ODAD2: variants seen among roughly 807,000 people sequenced by gnomAD.
ODAD2 encodes the protein outer dynein arm docking complex subunit 2, also known as outer dynein arm-docking complex subunit 2.
ODAD2 carries 89 observed loss-of-function variants against 106.8 expected under a neutral mutation model. That is an observed-to-expected ratio of 0.83 (90% CI 0.70 to 0.99). The LOEUF is 0.99. ODAD2 is among the 50% of genes least tolerant of loss of function. The pLI, the probability that ODAD2 is intolerant of heterozygous loss-of-function variation, is 0.00. For missense variants in ODAD2, 1,168 were observed against 1,238.5 expected (o/e 0.94, Z 0.85); for synonymous variants, 404 against 436.2 (o/e 0.93, Z 0.92).
intron 19 of ODAD2, among the ~76,000 whole-genome samples, chr10:27,826,745 G>A (rs1023636551): frequency 1.3e-5 from 2 of 151,660 alleles, no homozygotes; most frequent in Non-Finnish European, 2.9e-5. Flanking sequence ...CCCTCTTTCC[G>A]GTATTTTCAC....
chr10:27,920,180 C>A (rs938554922), intron 16 of ODAD2, among the ~76,000 whole-genome samples: 2 of 151,952 alleles, frequency 1.3e-5, no homozygotes, highest in Non-Finnish European at 2.9e-5. Context: ...ATAATAATGA[C>A]CATATTCTAT....
At chr10:27,958,749 T>C (rs772590376) in intron 10 of ODAD2, 5 of 874,042 alleles carry the variant, frequency 5.7e-6, no homozygotes, top group Admixed American at 3.7e-5. Context: ...TTTCATTTAA[T>C]ATTCTTAATA....
At chr10:27,937,974 C>T (rs1487123161) in intron 14 of ODAD2, among the ~76,000 whole-genome samples, 2 of 152,028 alleles carry the variant, frequency 1.3e-5, no homozygotes, top group Admixed American at 6.6e-5. Flanking sequence ...GATCGAGTTG[C>T]TCTCTGTTGC....
At chr10:27,969,231 T>C (rs1450284385) in intron 8 of ODAD2, among the ~76,000 whole-genome samples, 1 of 152,010 alleles carries the variant, frequency 6.6e-6, no homozygotes, top group Non-Finnish European at 1.5e-5. Flanking sequence ...AAACTTTCTG[T>C]CCAGCACCTA....
chr10:27,885,622 A>ATT (rs1411979769), intron 17 of ODAD2, among the ~76,000 whole-genome samples: 1 of 58,376 alleles, frequency 1.7e-5, no homozygotes, highest in African/African-American at 7.3e-5. Context: ...TATAAATATA[A>ATT]ATATATAAAA....
chr10:27,955,763 C>T (rs573191035), intron 10 of ODAD2, among the ~76,000 whole-genome samples: 7 of 148,444 alleles, frequency 4.7e-5, no homozygotes, highest in Admixed American at 4.1e-4. Context: ...TACATAAGAT[C>T]ATTAAGGAAC....
rs541880578 is a variant in ODAD2, at chr10:27,985,419, T to C, written c.383-208A>G. Among the ~76,000 whole-genome samples the C allele has an allele frequency of 2.6e-5, 4 of 152,356 alleles. No individual in the cohort carries two copies. The South Asian group carries it at 8.3e-4, about 32-fold the overall frequency. The stretch of plus-strand genomic sequence containing the variant: ...CTTCTACTTCACGAGATGCTCTAGT[T>C]TGTATTGTAACATCATCTATATATC... On this transcript the variant is annotated intron_variant, in intron 3 of 19. Coordinates refer to ENST00000305242, the MANE Select transcript of ODAD2 (RefSeq NM_018076.5).
intron 17 of ODAD2, among the ~76,000 whole-genome samples, chr10:27,885,681 A>T (rs188935448): frequency 2.4e-3 from 33 of 13,534 alleles, no homozygotes; most frequent in Admixed American, 8.6e-3. Flanking sequence ...AAATATATAT[A>T]ATATATAATA....
At chr10:27,848,760 T>C (rs552809762) in intron 19 of ODAD2, among the ~76,000 whole-genome samples, 49 of 152,298 alleles carry the variant, frequency 3.2e-4, no homozygotes, top group Non-Finnish European at 6.2e-4. Flanking sequence ...CAGACACTTC[T>C]CAAAAGAAGA....
chr10:27,876,886 T>C (rs1841377732), intron 17 of ODAD2, among the ~76,000 whole-genome samples: 1 of 152,218 alleles, frequency 6.6e-6, no homozygotes, highest in African/African-American at 2.4e-5. Context: ...CATTCACAGC[T>C]AAAGGCATCT....
intron 17 of ODAD2, among the ~76,000 whole-genome samples, chr10:27,870,409 G>T (rs139863982): frequency 6.6e-6 from 1 of 151,844 alleles, no homozygotes; most frequent in Admixed American, 6.6e-5. Flanking sequence ...CAACATGCAG[G>T]TTTGTTACAT....
intron 17 of ODAD2, among the ~76,000 whole-genome samples, chr10:27,905,825 T>C (rs1217955419): frequency 6.6e-6 from 1 of 152,188 alleles, no homozygotes; most frequent in Non-Finnish European, 1.5e-5. Context: ...TGCAGAAAAC[T>C]GAAACTGGAC....
chr10:27,977,427 C>T (rs1433107412), intron 7 of ODAD2, among the ~76,000 whole-genome samples: 1 of 150,234 alleles, frequency 6.7e-6, no homozygotes, highest in Non-Finnish European at 1.5e-5. Context: ...ATTAGCCAGG[C>T]GCGGTGGCGG....
intron 19 of ODAD2, among the ~76,000 whole-genome samples, chr10:27,826,731 AC>A (rs1339024622): frequency 6.7e-6 from 1 of 149,090 alleles, no homozygotes; most frequent in Non-Finnish European, 1.5e-5. Flanking sequence ...TGCGCCATTA[AC>A]CCCCCTCTTT....
intron 10 of ODAD2, among the ~76,000 whole-genome samples, chr10:27,955,152 A>G (rs2132756106): frequency 6.6e-6 from 1 of 152,320 alleles, no homozygotes; most frequent in South Asian, 2.1e-4. Context: ...AGTTGATTCG[A>G]GTGGACGAAC....
At position 27,940,803 on chromosome 10, in the gene ODAD2, A is replaced by C; in HGVS notation, c.1746T>G (p.Val582=). 3.1e-6 allele frequency: 5 copies of C among 1,611,902 alleles called. No homozygotes were observed. The highest frequency in any genetic ancestry group is 4.2e-6 in the Non-Finnish European group (5 of 1,178,674). Reference sequence around the variant, plus strand: ...AATCATGTGCACAGTCTAGTAGAGCAACCTATAATAATAGATAAATCCAAT... The same window carrying C: ...AATCATGTGCACAGTCTAGTAGAGCCACCTATAATAATAGATAAATCCAAT... ...VRQHGGITKL[V]ALLDCAHDST... is the part of the protein sequence containing the mutation. The change falls in exon 13 of 20, where the codon GTT becomes GTG. Residue 582 remains valine (V), a splice_region_variant and synonymous_variant. Transcript: ENST00000305242.
At chr10:27,913,097 T>C (rs1447420520) in intron 16 of ODAD2, among the ~76,000 whole-genome samples, 1 of 152,182 alleles carries the variant, frequency 6.6e-6, no homozygotes, top group Non-Finnish European at 1.5e-5. Flanking sequence ...ATCTTTTTTG[T>C]CAGAAAAATT....
rs541487455 is a variant in ODAD2 at position 27,849,406 on chromosome 10, G to A, written c.3021+11219C>T. On this transcript the variant is annotated intron_variant, in intron 19 of 19. Coordinates refer to ENST00000305242, the MANE Select transcript of ODAD2 (RefSeq NM_018076.5). ...ATCACATACCGGGGCCTGTCGTGGG[G>A]TGGGAGGAGGGGGAGGGATAGCATT... Among the ~76,000 whole-genome samples the A allele has an allele frequency of 2.0e-5, 3 of 151,676 alleles. No individual in the cohort carries two copies. In the East Asian group the frequency reaches 5.8e-4, roughly 29 times the overall value.
chr10:27,826,883 C>CCTCA (rs1443655478), intron 19 of ODAD2, among the ~76,000 whole-genome samples: 1 of 152,086 alleles, frequency 6.6e-6, no homozygotes, highest in Non-Finnish European at 1.5e-5. Flanking sequence ...CAGCTAGCAT[C>CCTCA]CTCACTCTCC....
Sources: allele counts gnomAD v4.1 joint callset (sites outside exome capture counted in the v4.1 genomes callset), GRCh38; gene constraint gnomAD v4.1.1; transcripts MANE v1.5; gene names NCBI Gene and HGNC (gene_info 2026-07-23, HGNC 2026-07-21).